CHM: variants seen among roughly 807,000 people sequenced by gnomAD.
CHM encodes the protein CHM Rab escort protein.
Under a neutral mutation model 49.0 loss-of-function variants are expected in CHM, and 10 were observed. The observed-to-expected ratio is 0.20, with a 90% CI of 0.13 to 0.35. The LOEUF (loss-of-function observed/expected upper bound fraction) is 0.35. CHM is among the 10% of genes least tolerant of loss of function. The pLI, the probability that CHM is intolerant of heterozygous loss-of-function variation, is 1.00. For missense variants in CHM, 455 were observed against 478.4 expected (o/e 0.95, Z 0.46); for synonymous variants, 184 against 167.5 (o/e 1.10, Z -0.76).
intron 8 of CHM, among the ~76,000 whole-genome samples, chrX:85,934,925 T>C (rs940531208): frequency 8.9e-6 from 1 of 111,857 alleles, no homozygotes; most frequent in Non-Finnish European, 1.9e-5. Context: ...TTGTTATGAA[T>C]GTTTTGTTAT....
chrX:85,903,683 A>AC (rs1430235395), intron 9 of CHM: 1 of 381,926 alleles, frequency 2.6e-6, no homozygotes, highest in East Asian at 7.5e-5. Flanking sequence ...ATTATAAAGT[A>AC]CCCCTGGAGA....
intron 9 of CHM, among the ~76,000 whole-genome samples, chrX:85,909,303 C>T (rs906331542): frequency 1.8e-5 from 2 of 111,396 alleles, no homozygotes; most frequent in Non-Finnish European, 1.9e-5. Flanking sequence ...GAATTAAGAC[C>T]TAGAGCCCCC....
chrX:85,910,416 T>TA (rs1166331801), intron 9 of CHM, among the ~76,000 whole-genome samples: 7 of 110,910 alleles, frequency 6.3e-5, no homozygotes, highest in African/African-American at 2.3e-4. Flanking sequence ...TGAGAACATG[T>TA]AAAAAAAAGA....
At chrX:85,905,406 T>C (rs998211219) in intron 9 of CHM, among the ~76,000 whole-genome samples, 1 of 111,940 alleles carries the variant, frequency 8.9e-6, no homozygotes, top group African/African-American at 3.3e-5. Flanking sequence ...TGCCAAGCAC[T>C]GTTCTAAGAG....
At position 85,887,392 on chromosome X, in the gene CHM, T is replaced by A. The variant is rs139736252; in HGVS notation, c.1510+6796A>T. On this transcript the variant is annotated intron_variant, in intron 12 of 14. Coordinates refer to ENST00000357749, the MANE Select transcript of CHM (RefSeq NM_000390.4). ...ATGACTTGCTCCTTGATTCCCACCA[T>A]GACTGTGAGGCTTCCCCAGCCACGT... 1.3e-4 allele frequency among the ~76,000 whole-genome samples: 15 copies of A among 111,907 alleles called. No homozygotes were observed. The East Asian group carries it at 4.2e-3, about 31-fold the overall frequency.
intron 8 of CHM, among the ~76,000 whole-genome samples, chrX:85,946,824 C>A (rs905993975): frequency 1.8e-5 from 2 of 112,173 alleles, no homozygotes; most frequent in African/African-American, 3.2e-5. Flanking sequence ...TTGCACCCTG[C>A]ACCTGAAAAA....
intron 8 of CHM, among the ~76,000 whole-genome samples, chrX:85,947,995 G>C (rs890564148): frequency 1.8e-5 from 2 of 111,327 alleles, no homozygotes; most frequent in African/African-American, 6.5e-5. Flanking sequence ...ATAATGAAAG[G>C]CTGAATTATC....
intron 2 of CHM, among the ~76,000 whole-genome samples, chrX:86,008,196 G>C (rs1167899611): frequency 4.5e-5 from 5 of 111,532 alleles, no homozygotes; most frequent in Non-Finnish European, 9.4e-5. Flanking sequence ...TCATAGGTGG[G>C]AACTGAACAA....
intron 2 of CHM, among the ~76,000 whole-genome samples, chrX:85,984,178 G>A (rs751170446): frequency 8.2e-5 from 9 of 109,235 alleles, no homozygotes; most frequent in Non-Finnish European, 1.5e-4. Context: ...CTCCAGCCTG[G>A]GTGACAAGAG....
At chrX:85,998,216 T>C (rs1334847623) in intron 2 of CHM, among the ~76,000 whole-genome samples, 1 of 111,951 alleles carries the variant, frequency 8.9e-6, no homozygotes, top group Non-Finnish European at 1.9e-5. Context: ...TATTCTCAAA[T>C]GTGAAAAGAA....
chrX:85,987,426 C>CAT (rs1931977730), intron 2 of CHM, among the ~76,000 whole-genome samples: 1 of 111,653 alleles, frequency 9.0e-6, no homozygotes, highest in Admixed American at 9.5e-5. Context: ...AAGGGCACCC[C>CAT]ATCAGGCTAA....
intron 12 of CHM, among the ~76,000 whole-genome samples, chrX:85,889,845 T>C (rs1259403264): frequency 1.8e-5 from 2 of 112,265 alleles, no homozygotes; most frequent in Admixed American, 9.4e-5. Context: ...GTGGTACATA[T>C]ACAGCATGGG....
chrX:85,921,934 G>A (rs969382902), intron 8 of CHM, among the ~76,000 whole-genome samples: 3 of 111,831 alleles, frequency 2.7e-5, no homozygotes, highest in Non-Finnish European at 5.6e-5. Context: ...ACACACACAC[G>A]GGAAGGGGAT....
At chrX:86,039,848 C>T (rs772483838) in intron 1 of CHM, among the ~76,000 whole-genome samples, 1 of 111,407 alleles carries the variant, frequency 9.0e-6, no homozygotes, top group East Asian at 2.8e-4. Flanking sequence ...CAGAGGGACA[C>T]CTTGACAGCG....
intron 5 of CHM, among the ~76,000 whole-genome samples, chrX:85,962,548 C>T (rs2147673433): frequency 8.9e-6 from 1 of 112,101 alleles, no homozygotes; most frequent in African/African-American, 3.2e-5. Flanking sequence ...GTTTTGGTCC[C>T]TCTCTGTCCC....
intron 1 of CHM, among the ~76,000 whole-genome samples, chrX:86,028,051 G>A (rs1377777953): frequency 8.9e-6 from 1 of 112,152 alleles, no homozygotes; most frequent in Non-Finnish European, 1.9e-5. Flanking sequence ...GTGAGCCACT[G>A]TGCCCGGCCA....
At chrX:85,888,693 T>C (rs369032990) in intron 12 of CHM, among the ~76,000 whole-genome samples, 1 of 111,165 alleles carries the variant, frequency 9.0e-6, no homozygotes, top group East Asian at 2.9e-4. Flanking sequence ...GAAACACCAA[T>C]GGTCTCAGAT....
chrX:85,898,788 C>T (rs1183223847), intron 11 of CHM, among the ~76,000 whole-genome samples: 1 of 112,262 alleles, frequency 8.9e-6, no homozygotes, highest in African/African-American at 3.2e-5. Context: ...ACTACAGTTG[C>T]TACTTATCAG....
At chrX:85,990,269 A>T (rs911496150) in intron 2 of CHM, among the ~76,000 whole-genome samples, 2 of 112,263 alleles carry the variant, frequency 1.8e-5, no homozygotes, top group Non-Finnish European at 3.8e-5. Flanking sequence ...GTTTTCACTT[A>T]TAAGTGGGAG....
Sources: gnomAD v4.1 joint callset for allele counts (sites outside exome capture counted in the v4.1 genomes callset) on GRCh38, gnomAD v4.1.1 for gene constraint, MANE v1.5 for transcripts, NCBI Gene and HGNC (gene_info 2026-07-23, HGNC 2026-07-21) for gene names.